The following FOXO3 variants were observed in gnomAD, a reference collection of about 807,000 sequenced individuals.
FOXO3 encodes the protein forkhead box O3, also known as forkhead box protein O3.
In FOXO3, 4 loss-of-function variants were observed where a neutral mutation model predicts 41.9. That is an observed-to-expected ratio of 0.10 (90% CI 0.05 to 0.22). FOXO3 has a LOEUF of 0.22. Among genes scored for constraint, FOXO3 ranks in the 10% least tolerant of loss-of-function variants. The probability of loss-of-function intolerance (pLI) is 1.00; values close to 1 mark genes in which losing one functional copy is unlikely to be tolerated. For missense variants in FOXO3, 534 were observed against 906.8 expected (o/e 0.59, Z 5.28); for synonymous variants, 318 against 389.3 (o/e 0.82, Z 2.16).
chr6:108,592,019 A>ACAG (rs2128363275), intron 1 of FOXO3, among the ~76,000 whole-genome samples: 1 of 152,342 alleles, frequency 6.6e-6, no homozygotes, highest in Admixed American at 6.5e-5. Context: ...AAATGCCTGA[A>ACAG]CAGGAGAGTA....
At chr6:108,657,173 A>G (rs1355521729) in intron 1 of FOXO3, among the ~76,000 whole-genome samples, 1 of 152,200 alleles carries the variant, frequency 6.6e-6, no homozygotes, top group Non-Finnish European at 1.5e-5. Flanking sequence ...TGAAATAAAG[A>G]GTATTCTTAC....
chr6:108,587,058 A>C (rs1582749661), intron 1 of FOXO3, among the ~76,000 whole-genome samples: 1 of 151,068 alleles, frequency 6.6e-6, no homozygotes, highest in East Asian at 1.9e-4. Flanking sequence ...CAATCCTCTC[A>C]CCTTGGCCTC....
intron 1 of FOXO3, among the ~76,000 whole-genome samples, chr6:108,623,628 G>C (rs983117795): frequency 2.6e-5 from 4 of 152,150 alleles, no homozygotes; most frequent in Non-Finnish European, 5.9e-5. Context: ...GAAGGCAAAG[G>C]AATACACCCC....
chr6:108,674,622 C>CA (rs776188740), intron 2 of FOXO3, among the ~76,000 whole-genome samples: 1 of 152,158 alleles, frequency 6.6e-6, no homozygotes, highest in Non-Finnish European at 1.5e-5. Context: ...GGTGGGGCTG[C>CA]AGGAGCCATC....
intron 1 of FOXO3, among the ~76,000 whole-genome samples, chr6:108,631,408 A>T (rs547583322): frequency 1.3e-5 from 2 of 152,100 alleles, no homozygotes; most frequent in Admixed American, 1.3e-4. Context: ...ACACTTGGTC[A>T]TTTCCACCTC....
chr6:108,675,219 C>A (rs964290258), intron 2 of FOXO3, among the ~76,000 whole-genome samples: 1 of 152,128 alleles, frequency 6.6e-6, no homozygotes, highest in African/African-American at 2.4e-5. Context: ...CTGGTGCCTC[C>A]CAGCAGGTGG....
At chr6:108,607,121 T>C (rs1777225760) in intron 1 of FOXO3, among the ~76,000 whole-genome samples, 1 of 152,140 alleles carries the variant, frequency 6.6e-6, no homozygotes, top group East Asian at 1.9e-4. Flanking sequence ...ACTTAGGAGA[T>C]GAAAGAATTT....
chr6:108,668,034 C>T (rs1179192454), intron 2 of FOXO3, among the ~76,000 whole-genome samples: 2 of 152,202 alleles, frequency 1.3e-5, no homozygotes, highest in African/African-American at 4.8e-5. Flanking sequence ...ATTCACAGAA[C>T]GAGGCTGAGG....
At chr6:108,631,144 G>C (rs1285603796) in intron 1 of FOXO3, among the ~76,000 whole-genome samples, 1 of 152,178 alleles carries the variant, frequency 6.6e-6, no homozygotes, top group Non-Finnish European at 1.5e-5. Context: ...GTTTTCAGAA[G>C]ACTGAGGTGG....
intron 2 of FOXO3, among the ~76,000 whole-genome samples, chr6:108,668,613 T>C (rs1294202337): frequency 2.6e-5 from 4 of 152,192 alleles, no homozygotes; most frequent in Non-Finnish European, 5.9e-5. Context: ...TCTTCATCTT[T>C]TGACATTTGG....
chr6:108,601,093 C>T (rs1203831175), intron 1 of FOXO3, among the ~76,000 whole-genome samples: 2 of 151,970 alleles, frequency 1.3e-5, no homozygotes, highest in Non-Finnish European at 2.9e-5. Flanking sequence ...CTGCAAGCTC[C>T]GCCTCTGGGG....
chr6:108,561,437 A>C lies in FOXO3; in HGVS notation c.229A>C (p.Met77Leu), dbSNP rs1202400419. The C allele has an allele frequency of 6.5e-7, 1 of 1,533,730 alleles. No individual in the cohort carries two copies. The highest frequency in any genetic ancestry group is 1.4e-5 in the African/African-American group (1 of 71,670). The stretch of plus-strand genomic sequence containing the variant: ...CGGCGGGGGACGGGCCGGCTCGGCC[A>C]TGGCGATCGGCGGCGGCGGCGGGAG... ...EDGGGRAGSA[M>L]AIGGGGGSGT... The change falls in exon 1 of 3, where the codon ATG becomes CTG. Residue 77 changes from methionine (M) to leucine (L), a missense_variant. This residue lies in a region of FOXO3 where 139 missense variants were observed against 163.7 expected (regional missense o/e 0.85). Coordinates refer to ENST00000406360, the MANE Select transcript of FOXO3 (RefSeq NM_001455.4).
intron 1 of FOXO3, among the ~76,000 whole-genome samples, chr6:108,625,879 G>C: frequency 6.6e-6 from 1 of 152,206 alleles, no homozygotes. Context: ...CAGGTCCTCA[G>C]TACATTGAGG....
chr6:108,561,451 C>T lies in FOXO3; in HGVS notation c.243C>T (p.Gly81=), dbSNP rs773318007. The change falls in exon 1 of 3, where the codon GGC becomes GGT. Residue 81 remains glycine (G), a synonymous_variant. Transcript: ENST00000406360. ...CCGGCTCGGCCATGGCGATCGGCGG[C>T]GGCGGCGGGAGCGGCACGCTGGGCT... ...GRAGSAMAIG[G]GGGSGTLGSG... 4.6e-6 allele frequency: 7 copies of T among 1,511,478 alleles called. No individual in the cohort carries two copies. The African/African-American group carries it at 5.8e-5, about 12-fold the overall frequency. 93.6% of individuals were successfully genotyped at this position (1,511,478 alleles called of 1,614,324 possible).
At chr6:108,649,165 C>T (rs968599750) in intron 1 of FOXO3, among the ~76,000 whole-genome samples, 2 of 152,068 alleles carry the variant, frequency 1.3e-5, no homozygotes, top group East Asian at 1.9e-4. Flanking sequence ...TTCTTCCTTG[C>T]CCCCGAATCC....
intron 1 of FOXO3, among the ~76,000 whole-genome samples, chr6:108,598,935 T>A (rs1188430342): frequency 6.6e-6 from 1 of 152,206 alleles, no homozygotes; most frequent in Non-Finnish European, 1.5e-5. Flanking sequence ...GCAAGGAGTT[T>A]CTCTAATTCT....
intron 1 of FOXO3, among the ~76,000 whole-genome samples, chr6:108,626,225 C>G (rs1777810932): frequency 6.6e-6 from 1 of 152,164 alleles, no homozygotes; most frequent in Non-Finnish European, 1.5e-5. Flanking sequence ...TTTTATTTCT[C>G]TATGGTAACA....
At chr6:108,594,464 G>C (rs548940669) in intron 1 of FOXO3, among the ~76,000 whole-genome samples, 1 of 152,144 alleles carries the variant, frequency 6.6e-6, no homozygotes, top group Non-Finnish European at 1.5e-5. Context: ...CATGGACCAA[G>C]GCAGCAGGAG....
intron 2 of FOXO3, among the ~76,000 whole-genome samples, chr6:108,667,050 A>G (rs766563023): frequency 6.6e-6 from 1 of 152,170 alleles, no homozygotes; most frequent in Non-Finnish European, 1.5e-5. Context: ...ACTCCAGCTC[A>G]CGGGTGGTTG....
Sources: gnomAD v4.1 joint callset for allele counts (sites outside exome capture counted in the v4.1 genomes callset) on GRCh38, gnomAD v4.1.1 for gene constraint, gnomAD v4.1.1 regional missense constraint, MANE v1.5 for transcripts, NCBI Gene and HGNC (gene_info 2026-07-23, HGNC 2026-07-21) for gene names.